MYL3: variants seen among roughly 807,000 people sequenced by gnomAD.
MYL3 encodes CMLC1.
Under a neutral mutation model 21.3 loss-of-function variants are expected in MYL3, and 11 were observed. The observed-to-expected ratio is 0.52, with a 90% CI of 0.32 to 0.85. The LOEUF is 0.85. Among genes scored for constraint, MYL3 ranks in the 40% least tolerant of loss-of-function variants. The pLI is 0.03. For missense variants in MYL3, 206 were observed against 253.3 expected (o/e 0.81, Z 1.27); for synonymous variants, 88 against 91.6 (o/e 0.96, Z 0.22).
At chr3:46,881,385 C>T (rs1575505356) in intron 1 of MYL3, among the ~76,000 whole-genome samples, 1 of 152,208 alleles carries the variant, frequency 6.6e-6, no homozygotes, top group Non-Finnish European at 1.5e-5. Flanking sequence ...TTGCCTTCCC[C>T]TAAGTCGAGG....
upstream of MYL3, chr3:46,863,558 G>T: frequency 1.4e-6 from 1 of 696,142 alleles, no homozygotes; most frequent in Non-Finnish European, 2.4e-6. Context: ...TAGGCTTAGG[G>T]GCTATTTTGG....
At chr3:46,858,125 T>G (rs1701949303) in intron 6 of MYL3, 24 bp from the exon 7 acceptor site, 1 of 1,322,554 alleles carries the variant, frequency 7.6e-7, no homozygotes, top group Admixed American at 1.7e-5. Context: ...CAGTGCAGAT[T>G]ACAGAGGAGG....
Position 46,858,442 on chromosome 3 carries a change from G to A in MYL3, c.501C>T (p.Asp167=), listed in dbSNP as rs552824036. 20 of 1,613,600 alleles carry A rather than the reference G, an allele frequency of 1.2e-5. 1 individual carries two copies. The highest frequency in any genetic ancestry group is 3.3e-4 in the Middle Eastern group (2 of 6,062). ...LATLGERLTE[D]EVEKLMAGQE... is the part of the protein sequence containing the mutation. ...GCCCAGCCATCAACTTCTCCACTTC[G>A]TCTTCTGTCAGCCTCTCACCTGGCA... is the stretch of plus-strand genomic sequence containing the variant. The change falls in exon 5 of 7, where the codon GAC becomes GAT. Residue 167 remains aspartate (D), a synonymous_variant. Coordinates refer to ENST00000292327, the MANE Select transcript of MYL3 (RefSeq NM_000258.3).
chr3:46,868,274 T>G (rs1459332131), upstream of MYL3, among the ~76,000 whole-genome samples: 1 of 152,170 alleles, frequency 6.6e-6, no homozygotes, highest in Non-Finnish European at 1.5e-5. Context: ...TTTCCCCACC[T>G]GTACCATGGC....
intron 1 of MYL3, among the ~76,000 whole-genome samples, chr3:46,871,930 G>A (rs2029946897): frequency 6.6e-6 from 1 of 152,210 alleles, no homozygotes; most frequent in Non-Finnish European, 1.5e-5. Flanking sequence ...AGCTGATGAG[G>A]GTACAGGTCC....
chr3:46,876,749 C>G (rs1400350332), intron 1 of MYL3, among the ~76,000 whole-genome samples: 1 of 152,184 alleles, frequency 6.6e-6, no homozygotes, highest in Admixed American at 6.5e-5. Context: ...GGGGCTACAG[C>G]TGGAATGTGC....
chr3:46,860,012 A>G lies in MYL3; in HGVS notation c.308-364T>C, dbSNP rs1204442305. 6.6e-6 allele frequency among the ~76,000 whole-genome samples: 1 copy of G among 151,618 alleles called. No homozygotes were observed. Among genetic ancestry groups the G allele is most frequent in the Non-Finnish European group, 1.5e-5 (1 of 67,994 alleles). On this transcript the variant is annotated intron_variant, in intron 3 of 6. Coordinates refer to ENST00000292327, the MANE Select transcript of MYL3 (RefSeq NM_000258.3). This position sits in a 1 kb window ranked among gnomAD's most constrained non-coding sequence, Gnocchi z 4.6. ...CACCACCTGTGATTGGGTCAGGAGCAGCTAGGCCAATCAGAGACCTTCCCT... is the reference window on the plus strand; with the variant it reads ...CACCACCTGTGATTGGGTCAGGAGCGGCTAGGCCAATCAGAGACCTTCCCT...
At chr3:46,880,080 TAAC>T (rs1339581720) in intron 1 of MYL3, among the ~76,000 whole-genome samples, 1 of 152,192 alleles carries the variant, frequency 6.6e-6, no homozygotes, top group Admixed American at 6.5e-5. Flanking sequence ...CATTAAAATA[TAAC>T]ACTGAAGAAC....
At chr3:46,862,122 C>G (rs149841564) in intron 1 of MYL3, among the ~76,000 whole-genome samples, 1 of 152,294 alleles carries the variant, frequency 6.6e-6, no homozygotes, top group East Asian at 1.9e-4. Context: ...ATTGTCCCCA[C>G]CTCTCAGAAG....
rs528000154 is a variant in MYL3, at chr3:46,880,602, T to C, written c.-218+1472A>G. Among the ~76,000 whole-genome samples, 44 of 152,254 alleles carry C rather than the reference T, an allele frequency of 2.9e-4. No individual in the cohort carries two copies. In the East Asian group the frequency reaches 3.9e-3, roughly 13 times the overall value. ...CAAGAAATGCAAAAATTAGCCAGGT[T>C]GGTGGTACACACCTGTAGTCCCAGC... On this transcript the variant is annotated intron_variant, in intron 1 of 3. Transcript: ENST00000431168.
chr3:46,881,722 G>A (rs892332654), intron 1 of MYL3, among the ~76,000 whole-genome samples: 6 of 152,020 alleles, frequency 3.9e-5, no homozygotes, highest in Non-Finnish European at 7.4e-5. Flanking sequence ...GGCGAGGGTG[G>A]GGCTGGACGT....
intron 1 of MYL3, among the ~76,000 whole-genome samples, chr3:46,868,609 G>A (rs1195443035): frequency 2.6e-5 from 4 of 152,292 alleles, no homozygotes; most frequent in South Asian, 2.1e-4. Context: ...CTGTGGCCAC[G>A]GCCGCTATAT....
At position 46,863,277 on chromosome 3, in the gene MYL3, A is replaced by G; in HGVS notation, c.114T>C (p.Asp38=). The G allele has an allele frequency of 3.1e-6, 5 of 1,614,172 alleles. No homozygotes were observed. Among genetic ancestry groups the G allele is most frequent in the Non-Finnish European group, 4.2e-6 (5 of 1,180,036 alleles). ...EPERPKEVEF[D]ASKIKIEFTP... ...CCATACCCACCTTGATCTTGGAAGC[A>G]TCAAACTCGACCTCCTTAGGGCGCT... Residue 38 remains aspartate, a synonymous_variant, in exon 1 of 7, where the codon GAT becomes GAC. Transcript: ENST00000292327.
chr3:46,869,226 T>C (rs1443722393), intron 1 of MYL3, among the ~76,000 whole-genome samples: 3 of 152,028 alleles, frequency 2.0e-5, no homozygotes, highest in Non-Finnish European at 4.4e-5. Context: ...AGAGCAAATA[T>C]TTATTGTCCT....
In MYL3 at chr3:46,861,398, A is replaced by G. The variant is rs917323795; in HGVS notation, c.130-411T>C. On this transcript the variant is annotated intron_variant, in intron 1 of 6. Coordinates refer to ENST00000292327, the MANE Select transcript of MYL3 (RefSeq NM_000258.3). This position sits in a 1 kb window ranked among gnomAD's most constrained non-coding sequence, Gnocchi z 4.2. ...GGGCAGGACTGTCAGCAAAAGTGAG[A>G]TGGGAGGGCCCAGGGTGGTAGAAGG... Among the ~76,000 whole-genome samples, 1 of 152,144 alleles carries G rather than the reference A, an allele frequency of 6.6e-6. No homozygotes were observed. The highest frequency in any genetic ancestry group is 1.5e-5 in the Non-Finnish European group (1 of 68,026).
intron 1 of MYL3, among the ~76,000 whole-genome samples, chr3:46,873,156 G>A (rs909081096): frequency 6.6e-6 from 1 of 152,248 alleles, no homozygotes; most frequent in Non-Finnish European, 1.5e-5. Context: ...GGAGTTGAAA[G>A]GTGCAGATCC....
At chr3:46,869,540 T>C (rs1408779026) in intron 1 of MYL3, among the ~76,000 whole-genome samples, 1 of 152,188 alleles carries the variant, frequency 6.6e-6, no homozygotes, top group Non-Finnish European at 1.5e-5. Flanking sequence ...GGTGTGAACA[T>C]GTGTGACTGG....
intron 1 of MYL3, among the ~76,000 whole-genome samples, chr3:46,871,254 G>A (rs374545403): frequency 3.9e-5 from 6 of 152,076 alleles, no homozygotes; most frequent in Non-Finnish European, 5.9e-5. Flanking sequence ...GGTAGTGTCC[G>A]CATCTGTTTG....
chr3:46,862,579 C>T (rs368448097), intron 1 of MYL3, among the ~76,000 whole-genome samples: 1 of 152,306 alleles, frequency 6.6e-6, no homozygotes, highest in East Asian at 1.9e-4. Flanking sequence ...AGGGTACGTG[C>T]TGCTATGCAG....
Sources: gnomAD v4.1 joint callset for allele counts (sites outside exome capture counted in the v4.1 genomes callset) on GRCh38, gnomAD v4.1.1 for gene constraint, Gnocchi (gnomAD v3.1) non-coding constraint, MANE v1.5 for transcripts, NCBI Gene and HGNC (gene_info 2026-07-23, HGNC 2026-07-21) for gene names.